The following CSMD1 variants were observed in gnomAD, a reference collection of about 807,000 sequenced individuals.
CSMD1 encodes the protein CUB and sushi domain-containing protein 1.
Under a neutral mutation model 417.5 loss-of-function variants are expected in CSMD1, and 213 were observed. That is an observed-to-expected ratio of 0.51 (90% CI 0.46 to 0.57). The LOEUF (loss-of-function observed/expected upper bound fraction) is 0.57. Among genes scored for constraint, CSMD1 ranks in the 20% least tolerant of loss-of-function variants. The probability of loss-of-function intolerance (pLI) is 0.00; values close to 1 mark genes in which losing one functional copy is unlikely to be tolerated. For synonymous variants in CSMD1, 2,862 were observed against 1,736.8 expected (o/e 1.65, Z -16.11); for missense variants, 6,923 against 4,529.7 (o/e 1.53, Z -15.17).
intron 25 of CSMD1, among the ~76,000 whole-genome samples, chr8:3,291,785 A>G (rs918152082): frequency 6.6e-6 from 1 of 150,612 alleles, no homozygotes; most frequent in African/African-American, 2.5e-5. Context: ...CAGCTCCTGG[A>G]TTCATTGACT....
chr8:4,226,321 A>G (rs761776011), intron 3 of CSMD1, among the ~76,000 whole-genome samples: 2 of 152,178 alleles, frequency 1.3e-5, no homozygotes, highest in Non-Finnish European at 1.5e-5. Flanking sequence ...AGAATTAGAG[A>G]CCATCAAATA....
intron 3 of CSMD1, among the ~76,000 whole-genome samples, chr8:4,174,425 A>G (rs1797928287): frequency 6.6e-6 from 1 of 151,998 alleles, no homozygotes; most frequent in Non-Finnish European, 1.5e-5. Flanking sequence ...TTCACCGTGT[A>G]TGTAATCTCC....
chr8:4,222,146 G>T (rs531000252), intron 3 of CSMD1, among the ~76,000 whole-genome samples: 2 of 151,592 alleles, frequency 1.3e-5, no homozygotes, highest in African/African-American at 4.8e-5. Flanking sequence ...AACCTTCACA[G>T]AGCCTTACCA....
chr8:2,945,713 T>A (rs1362659767), intron 68 of CSMD1, among the ~76,000 whole-genome samples: 1 of 152,144 alleles, frequency 6.6e-6, no homozygotes, highest in Admixed American at 6.6e-5. Context: ...TTCCCCCTCC[T>A]TGTTTTCCCC....
chr8:4,317,037 C>T lies in CSMD1; in HGVS notation c.415+102916G>A, dbSNP rs143424020. On this transcript the variant is annotated intron_variant, in intron 3 of 69. Coordinates refer to ENST00000635120, the MANE Select transcript of CSMD1 (RefSeq NM_033225.6). ...TGGGGCAAAAAACTACACTTGTAAACGGCACTGAAAACATACAAGCCCTGT... is the reference window on the plus strand; with the variant it reads ...TGGGGCAAAAAACTACACTTGTAAATGGCACTGAAAACATACAAGCCCTGT... 4.9e-3 allele frequency among the ~76,000 whole-genome samples: 749 copies of T among 152,196 alleles called. 7 individuals are homozygous for T. The highest frequency in any genetic ancestry group is 0.017 in the African/African-American group (701 of 41,512).
intron 3 of CSMD1, among the ~76,000 whole-genome samples, chr8:4,223,710 G>C (rs1398464888): frequency 6.6e-6 from 1 of 152,088 alleles, no homozygotes; most frequent in Non-Finnish European, 1.5e-5. Context: ...ATATTTTTTT[G>C]TTATCTGAAA....
At chr8:3,359,540 A>ATTT (rs35776750) in intron 20 of CSMD1, among the ~76,000 whole-genome samples, 200 bp from the exon 21 acceptor site, 13 of 143,690 alleles carry the variant, frequency 9.0e-5, no homozygotes, top group South Asian at 4.4e-4. Context: ...GGGATTTAGT[A>ATTT]TTTTTTTTTT....
chr8:3,285,923 G>C (rs1211492313), intron 25 of CSMD1, among the ~76,000 whole-genome samples: 2 of 151,998 alleles, frequency 1.3e-5, no homozygotes, highest in Non-Finnish European at 2.9e-5. Context: ...ATGTTGGTCT[G>C]CTGCACCCAT....
chr8:3,838,944 A>AAATT, intron 5 of CSMD1, among the ~76,000 whole-genome samples: 1 of 52,806 alleles, frequency 1.9e-5, no homozygotes, highest in East Asian at 3.7e-4. Flanking sequence ...ATATAATAAA[A>AAATT]AATTAATATC....
At chr8:3,211,062 T>G (rs1797576787) in intron 30 of CSMD1, among the ~76,000 whole-genome samples, 2 of 152,242 alleles carry the variant, frequency 1.3e-5, no homozygotes, top group South Asian at 4.2e-4. Context: ...TTTGTTTTCT[T>G]GAGATAAGGT....
rs181096945 is a variant in CSMD1, at chr8:4,207,744, T to C, written c.416-175645A>G. Reference sequence around the variant, plus strand: ...AATAGCAAAATAACAGTAGATACTGTAACATTTCGATAATCTACTAGGATA... The same window carrying C: ...AATAGCAAAATAACAGTAGATACTGCAACATTTCGATAATCTACTAGGATA... On this transcript the variant is annotated intron_variant, in intron 3 of 69. Transcript: ENST00000635120. 7.9e-5 allele frequency among the ~76,000 whole-genome samples: 12 copies of C among 152,170 alleles called. No individual in the cohort carries two copies. In the East Asian group the frequency reaches 1.7e-3, roughly 22 times the overall value.
At chr8:3,385,131 A>G (rs934477243) in intron 18 of CSMD1, among the ~76,000 whole-genome samples, 79 of 131,558 alleles carry the variant, frequency 6.0e-4, no homozygotes, top group African/African-American at 2.1e-3. Context: ...ATATATAAAT[A>G]TATAATACAT....
intron 1 of CSMD1, among the ~76,000 whole-genome samples, chr8:4,754,441 G>T (rs1811539331): frequency 6.6e-6 from 1 of 152,032 alleles, no homozygotes; most frequent in Non-Finnish European, 1.5e-5. Flanking sequence ...TAACTAACTT[G>T]TATACTTCCC....
chr8:2,978,536 T>C (rs1275284810), intron 55 of CSMD1, 76 bp downstream of exon 55: 7 of 1,192,906 alleles, frequency 5.9e-6, no homozygotes, highest in Non-Finnish European at 8.1e-6. Flanking sequence ...GCCTTTTAAA[T>C]ATACTTACGG....
At chr8:3,004,132 C>G (rs1267433827) in intron 52 of CSMD1, among the ~76,000 whole-genome samples, 1 of 152,146 alleles carries the variant, frequency 6.6e-6, no homozygotes, top group Non-Finnish European at 1.5e-5. Context: ...GCCCTGCACA[C>G]TTCAAAACCA....
At chr8:4,536,493 C>A (rs1393726666) in intron 2 of CSMD1, among the ~76,000 whole-genome samples, 1 of 152,072 alleles carries the variant, frequency 6.6e-6, no homozygotes, top group Non-Finnish European at 1.5e-5. Context: ...TCTACCTTGT[C>A]TTTTTCTCTT....
At chr8:3,686,223 T>G (rs1799936960) in intron 7 of CSMD1, among the ~76,000 whole-genome samples, 1 of 152,176 alleles carries the variant, frequency 6.6e-6, no homozygotes, top group South Asian at 2.1e-4. Context: ...GTCACCCCCT[T>G]GAGTTACTGA....
intron 5 of CSMD1, among the ~76,000 whole-genome samples, chr8:3,909,541 G>C (rs2688323): frequency 0.04 from 6,054 of 152,176 alleles, 399 homozygotes; most frequent in African/African-American, 0.14. Flanking sequence ...CTCTCCCCAG[G>C]TATTTCAACC....
chr8:3,745,990 G>A (rs1037007736), intron 6 of CSMD1, among the ~76,000 whole-genome samples: 1 of 152,152 alleles, frequency 6.6e-6, no homozygotes, highest in Non-Finnish European at 1.5e-5. Context: ...AGACTTTGGT[G>A]GACAACTTCC....
Sources: gnomAD v4.1 joint callset for allele counts (sites outside exome capture counted in the v4.1 genomes callset) on GRCh38, gnomAD v4.1.1 for gene constraint, MANE v1.5 for transcripts, NCBI Gene and HGNC (gene_info 2026-07-23, HGNC 2026-07-21) for gene names.